USP3: variants seen among roughly 807,000 people sequenced by gnomAD.
USP3 encodes ubiquitin carboxyl-terminal hydrolase 3.
Under a neutral mutation model 72.3 loss-of-function variants are expected in USP3, and 20 were observed. The ratio of observed to expected loss-of-function variants is 0.28; its 90% CI spans 0.19 to 0.40. The LOEUF is 0.40. Among genes scored for constraint, USP3 ranks in the 10% least tolerant of loss-of-function variants. The probability of loss-of-function intolerance (pLI) is 1.00; values close to 1 mark genes in which losing one functional copy is unlikely to be tolerated. For missense variants in USP3, 479 were observed against 633.9 expected (o/e 0.76, Z 2.62); for synonymous variants, 222 against 225.3 (o/e 0.99, Z 0.13).
At position 63,574,349 on chromosome 15, in the gene USP3, T is replaced by G; in HGVS notation, c.1042T>G (p.Phe348Val). ...LDLSLDIPSQ[F>V]RSKRSKNQEN... The stretch of plus-strand genomic sequence containing the variant: ...CCTTTCATTAGATATTCCAAGTCAG[T>G]TCAGAAGTAAGCGCTCTAAGAATCA... The change falls in exon 11 of 15, where the codon TTC (phenylalanine) becomes GTC (valine). Residue 348 changes from phenylalanine to valine, a missense_variant. Physicochemically the swap from Phe to Val is conservative, Grantham distance 50 (BLOSUM62 -1). Transcript: ENST00000380324. The surrounding 1 kb of genome is among the most constrained non-coding windows in gnomAD (Gnocchi z 4.6). 2 of 1,606,148 alleles carry G rather than the reference T, an allele frequency of 1.2e-6. No individual in the cohort carries two copies. Among genetic ancestry groups the G allele is most frequent in the Non-Finnish European group, 1.7e-6 (2 of 1,176,862 alleles).
At chr15:63,527,084 A>G (rs949938834) in intron 1 of USP3, among the ~76,000 whole-genome samples, 13 of 152,100 alleles carry the variant, frequency 8.5e-5, no homozygotes, top group African/African-American at 2.9e-4. Flanking sequence ...TTTAGTAGAT[A>G]TGGGGTTTCC....
chr15:63,512,918 C>A (rs973190428), intron 1 of USP3, among the ~76,000 whole-genome samples: 1 of 152,196 alleles, frequency 6.6e-6, no homozygotes, highest in East Asian at 1.9e-4. Context: ...TAGTTAGATG[C>A]TTCACAATTA....
intron 7 of USP3, among the ~76,000 whole-genome samples, chr15:63,561,652 C>T (rs546795369): frequency 9.8e-5 from 15 of 152,340 alleles, no homozygotes; most frequent in Admixed American, 7.8e-4. Flanking sequence ...AGGCTGTGTA[C>T]CTGTGCTCTG....
rs1240266764 is a variant in USP3, at chr15:63,588,286, C to G, written c.1097-19C>G. The G allele has an allele frequency of 6.4e-7, 1 of 1,570,664 alleles. No individual in the cohort carries two copies. Among genetic ancestry groups the G allele is most frequent in the Admixed American group, 2.0e-5 (1 of 49,846 alleles). On this transcript the variant is annotated intron_variant, in intron 11 of 14. Coordinates refer to ENST00000380324, the MANE Select transcript of USP3 (RefSeq NM_006537.4). This position sits in a 1 kb window ranked among gnomAD's most constrained non-coding sequence, Gnocchi z 4.6. ...CAAAAGGCATCTTGTTTTAATGCTGCCAAAATCAATTTGTTTAGATTGTCT... is the reference window on the plus strand; with the variant it reads ...CAAAAGGCATCTTGTTTTAATGCTGGCAAAATCAATTTGTTTAGATTGTCT...
In USP3 at chr15:63,528,621, T is replaced by C. The variant is rs1348634636; in HGVS notation, c.92-4026T>C. Among the ~76,000 whole-genome samples, 1 of 152,206 alleles carries C rather than the reference T, an allele frequency of 6.6e-6. No homozygotes were observed. The highest frequency in any genetic ancestry group is 2.4e-5 in the African/African-American group (1 of 41,458). On this transcript the variant is annotated intron_variant, in intron 1 of 14. Coordinates refer to ENST00000380324, the MANE Select transcript of USP3 (RefSeq NM_006537.4). The surrounding 1 kb of genome is among the most constrained non-coding windows in gnomAD (Gnocchi z 4.3). Reference sequence around the variant, plus strand: ...ATGAGTATTTCAGCTATATTATGTTTCATTTAGGGCTTTACAGACGACCCT... The same window carrying C: ...ATGAGTATTTCAGCTATATTATGTTCCATTTAGGGCTTTACAGACGACCCT...
At chr15:63,523,475 A>T (rs1158765012) in intron 1 of USP3, among the ~76,000 whole-genome samples, 1 of 152,230 alleles carries the variant, frequency 6.6e-6, no homozygotes, top group Non-Finnish European at 1.5e-5. Context: ...GCAGTGGAAC[A>T]AATTCCTACA....
At chr15:63,561,645 C>G (rs1404029091) in intron 7 of USP3, among the ~76,000 whole-genome samples, 1 of 152,206 alleles carries the variant, frequency 6.6e-6, no homozygotes, top group Non-Finnish European at 1.5e-5. Context: ...AAAGCCCAGG[C>G]TGTGTACCTG....
intron 3 of USP3, among the ~76,000 whole-genome samples, chr15:63,552,920 C>T (rs534611457): frequency 6.6e-6 from 1 of 152,212 alleles, no homozygotes; most frequent in African/African-American, 2.4e-5. Context: ...AAAATAATAT[C>T]TTAGTGCCAG....
chr15:63,525,781 T>G (rs911284051), intron 1 of USP3, among the ~76,000 whole-genome samples: 1 of 152,228 alleles, frequency 6.6e-6, no homozygotes, highest in Non-Finnish European at 1.5e-5. Flanking sequence ...CTGGAATATA[T>G]TTTTACTTAT....
In USP3 at chr15:63,528,793, T is replaced by C. The variant is rs532782720; in HGVS notation, c.92-3854T>C. On this transcript the variant is annotated intron_variant, in intron 1 of 14. Transcript: ENST00000380324. The surrounding 1 kb of genome is among the most constrained non-coding windows in gnomAD (Gnocchi z 4.3). ...AAATAAATGGTTTTAAGATTATCTGTAGTATTCTTTTATTTGTACAATTAC... is the reference window on the plus strand; with the variant it reads ...AAATAAATGGTTTTAAGATTATCTGCAGTATTCTTTTATTTGTACAATTAC... 3.3e-5 allele frequency among the ~76,000 whole-genome samples: 5 copies of C among 152,304 alleles called. No individual in the cohort carries two copies. In the East Asian group the frequency reaches 9.6e-4, roughly 29 times the overall value.
At chr15:63,556,914 G>A (rs62011345) in intron 5 of USP3, 166 bp downstream of exon 5, 106,482 of 549,836 alleles carry the variant, frequency 0.19, 12,204 homozygotes, top group Middle Eastern at 0.24. Context: ...GATTGTTGCC[G>A]TGACCCCAGT....
At chr15:63,562,273 G>A (rs2066620073) in intron 7 of USP3, among the ~76,000 whole-genome samples, 1 of 152,230 alleles carries the variant, frequency 6.6e-6, no homozygotes. Context: ...CGAGAAGAGT[G>A]TGGATATTGG....
At chr15:63,552,736 T>C (rs760137056) in intron 3 of USP3, among the ~76,000 whole-genome samples, 2 of 148,500 alleles carry the variant, frequency 1.3e-5, no homozygotes, top group Non-Finnish European at 3.0e-5. Context: ...TTCTCTCTCT[T>C]TCTTTCTCCC....
chr15:63,569,411 T>G (rs185978920), intron 8 of USP3, among the ~76,000 whole-genome samples: 399 of 152,324 alleles, frequency 2.6e-3, no homozygotes, highest in Non-Finnish European at 4.2e-3. Flanking sequence ...AGGGAGATTG[T>G]TTTCATAATT....
At chr15:63,562,640 C>G (rs1326366890) in intron 7 of USP3, among the ~76,000 whole-genome samples, 1 of 152,192 alleles carries the variant, frequency 6.6e-6, no homozygotes, top group East Asian at 1.9e-4. Flanking sequence ...TGTTTTAACT[C>G]AAAGTGTACA....
At chr15:63,560,035 T>G in intron 7 of USP3, 65 bp downstream of exon 7, 2 of 1,433,966 alleles carry the variant, frequency 1.4e-6, no homozygotes, top group Non-Finnish European at 1.9e-6. Flanking sequence ...CACTGGTGGT[T>G]TCCATTGTAC....
Position 63,536,902 on chromosome 15 carries a change from C to T in USP3, c.153-123C>T, listed in dbSNP as rs960593945. 2.8e-5 allele frequency: 29 copies of T among 1,024,778 alleles called. No individual in the cohort carries two copies. In the African/African-American group the frequency reaches 3.3e-4, roughly 12 times the overall value. The allele number at this position is 1,024,778 out of a possible 1,614,324, so 63.5% of individuals were successfully genotyped here. A position where few individuals can be genotyped will look rare whatever the true frequency, so the allele number is the denominator to read the frequency against. ...AAGTATTCAGTATAATAAATCACTA[C>T]ATGATTGACTGCTGTTATAGGATTT... On this transcript the variant is annotated intron_variant, in intron 2 of 14. Transcript: ENST00000380324.
intron 2 of USP3, among the ~76,000 whole-genome samples, chr15:63,536,242 A>G (rs1438099615): frequency 6.6e-6 from 1 of 152,220 alleles, no homozygotes; most frequent in Non-Finnish European, 1.5e-5. Context: ...ACATGTTTCC[A>G]TATGAGAGGA....
chr15:63,533,846 T>TA (rs1567100025), intron 2 of USP3: 4 of 1,231,602 alleles, frequency 3.2e-6, no homozygotes, highest in South Asian at 1.4e-5. Context: ...AACTTTTTTT[T>TA]AAAAAAGAAG....
Sources: allele counts gnomAD v4.1 joint callset (sites outside exome capture counted in the v4.1 genomes callset), GRCh38; gene constraint gnomAD v4.1.1; non-coding constraint Gnocchi (gnomAD v3.1); transcripts MANE v1.5; gene names NCBI Gene and HGNC (gene_info 2026-07-23, HGNC 2026-07-21).